Variants in NSD1 observed in about 807,000 individuals in gnomAD.
NSD1 encodes the protein histone-lysine N-methyltransferase, H3 lysine-36 specific.
A neutral mutation model predicts 242.7 loss-of-function variants in NSD1; 26 were observed. The observed-to-expected ratio is 0.11, with a 90% confidence interval of 0.08 to 0.15. The LOEUF (loss-of-function observed/expected upper bound fraction) is 0.15, where lower values mean the gene tolerates loss of function less well. NSD1 is among the 10% of genes least tolerant of loss of function. The pLI is 1.00. For missense variants in NSD1, 2,495 were observed against 3,272.8 expected (o/e 0.76, Z 5.80); for synonymous variants, 1,106 against 1,178.1 (o/e 0.94, Z 1.25).
In NSD1 at chr5:177,297,506, G is replaced by A. The variant is rs538058845; in HGVS notation, c.*2047G>A. ...TAATCTTTTAGGTCATATGAGTAGG[G>A]TTTGCTTGGTGCCAGTCCTGTGCCC... On this transcript the variant is annotated 3_prime_UTR_variant, in exon 23 of 23. Coordinates refer to ENST00000439151, the MANE Select transcript of NSD1 (RefSeq NM_022455.5). 11 of 232,202 alleles carry A rather than the reference G, an allele frequency of 4.7e-5. No homozygotes were observed. Among genetic ancestry groups the A allele is most frequent in the African/African-American group, 2.4e-4 (11 of 45,298 alleles). The allele number at this position is 232,202 out of a possible 1,614,324, so 14.4% of individuals were successfully genotyped here.
chr5:177,188,589 C>G (rs1337475588), intron 2 of NSD1, among the ~76,000 whole-genome samples: 1 of 152,020 alleles, frequency 6.6e-6, no homozygotes, highest in Non-Finnish European at 1.5e-5. Flanking sequence ...ATTGCTTCAG[C>G]CTAGTTTATA....
chr5:177,254,248 A>C (rs1756238741), intron 12 of NSD1, among the ~76,000 whole-genome samples: 1 of 151,952 alleles, frequency 6.6e-6, no homozygotes, highest in Non-Finnish European at 1.5e-5. Flanking sequence ...CACCTGGCCA[A>C]CTTTTTCATA....
chr5:177,199,176 C>T (rs1028217965), intron 3 of NSD1, among the ~76,000 whole-genome samples: 1 of 152,210 alleles, frequency 6.6e-6, no homozygotes, highest in African/African-American at 2.4e-5. Flanking sequence ...GGCTTTGTGT[C>T]AGAAATATTG....
intron 18 of NSD1, 67 bp from the exon 19 acceptor site, chr5:177,282,398 A>G: frequency 1.0e-6 from 1 of 994,794 alleles, no homozygotes; most frequent in South Asian, 1.3e-5. Context: ...ATTTTTTAAA[A>G]AAATGTATAC....
intron 4 of NSD1, 69 bp from the exon 5 acceptor site, chr5:177,209,567 A>G (rs1763169842): frequency 9.8e-7 from 1 of 1,016,588 alleles, no homozygotes; most frequent in East Asian, 2.5e-5. Context: ...AAAGCTTCTG[A>G]TTTCATCTCC....
At chr5:177,251,886 G>T (rs1755996182) in intron 12 of NSD1, 33 bp downstream of exon 12, 1 of 1,613,678 alleles carries the variant, frequency 6.2e-7, no homozygotes, top group South Asian at 1.1e-5. Context: ...TTCCTCCAAA[G>T]AAAGTTTGAA....
chr5:177,246,671 G>A lies in NSD1; in HGVS notation c.4379-7G>A. On this transcript the variant is annotated splice_polypyrimidine_tract_variant and splice_region_variant and intron_variant, in intron 9 of 22. Coordinates refer to ENST00000439151, the MANE Select transcript of NSD1 (RefSeq NM_022455.5). ...GCCAGCAGTTAACACCTATTTTCCT[G>A]TCATAGGCACTACCAAGATATTTGA... 6.2e-7 allele frequency: 1 copy of A among 1,603,138 alleles called. No homozygotes were observed. Among genetic ancestry groups the A allele is most frequent in the Non-Finnish European group, 8.5e-7 (1 of 1,170,130 alleles).
rs1322045716 is a variant in NSD1 at position 177,211,235 on chromosome 5, A to G, written c.2836A>G (p.Thr946Ala). Residue 946 changes from threonine (T) to alanine (A), a missense_variant, in exon 5 of 23, where the codon ACT becomes GCT. Around this residue, in one of 19 missense-constraint regions of NSD1, gnomAD observed 121 missense variants for 167.2 expected, o/e 0.72. Transcript: ENST00000439151. ...YRSPGRGDCS[T>A]NSPVGVSKVL... ...GAGTCCTGGTCGTGGGGACTGTTCT[A>G]CTAATAGTCCTGTAGGAGTCTCTAA... 1.2e-6 allele frequency: 2 copies of G among 1,613,860 alleles called. No homozygotes were observed. The highest frequency in any genetic ancestry group is 2.7e-5 in the African/African-American group (2 of 74,902).
intron 5 of NSD1, among the ~76,000 whole-genome samples, chr5:177,229,348 TG>T (rs1307823860): frequency 1.3e-5 from 2 of 152,212 alleles, no homozygotes; most frequent in African/African-American, 4.8e-5. Context: ...ACGTACTGGT[TG>T]TGTGGTAGGA....
intron 14 of NSD1, among the ~76,000 whole-genome samples, chr5:177,263,153 G>A (rs1470568858): frequency 6.6e-6 from 1 of 152,222 alleles, no homozygotes; most frequent in African/African-American, 2.4e-5. Flanking sequence ...AGGATCTCCT[G>A]AGGTTGTGTC....
At chr5:177,292,729 T>G (rs1759942479) in intron 22 of NSD1, among the ~76,000 whole-genome samples, 1 of 152,206 alleles carries the variant, frequency 6.6e-6, no homozygotes, top group Non-Finnish European at 1.5e-5. Flanking sequence ...AGTTAATACA[T>G]GAGAAAGCTG....
chr5:177,264,902 G>A lies in NSD1; in HGVS notation c.5147-2660G>A, dbSNP rs912443068. On this transcript the variant is annotated intron_variant, in intron 14 of 22. Transcript: ENST00000439151. The stretch of plus-strand genomic sequence containing the variant: ...GATATTGTAGACATCAAAGGAATGG[G>A]TACTCTTCAAAAAGGAATGCCCCAC... The A allele has an allele frequency of 2.7e-4, 208 of 777,910 alleles. 1 individual carries two copies. The East Asian group carries it at 4.9e-3, about 18-fold the overall frequency. 48.2% of individuals were successfully genotyped at this position (777,910 alleles called of 1,614,324 possible). A position where few individuals can be genotyped will look rare whatever the true frequency, so the allele number is the denominator to read the frequency against.
intron 5 of NSD1, among the ~76,000 whole-genome samples, chr5:177,217,939 A>T (rs1190127969): frequency 6.6e-6 from 1 of 151,786 alleles, no homozygotes; most frequent in Non-Finnish European, 1.5e-5. Flanking sequence ...AAGTGTAGAC[A>T]GGGTCACATT....
chr5:177,179,280 A>G (rs1033006841), intron 2 of NSD1, among the ~76,000 whole-genome samples: 5 of 152,066 alleles, frequency 3.3e-5, no homozygotes, highest in Non-Finnish European at 7.4e-5. Context: ...CAATGGCAGG[A>G]TCTCAGCTCA....
intron 3 of NSD1, among the ~76,000 whole-genome samples, chr5:177,201,068 G>C (rs1450701682): frequency 6.6e-6 from 1 of 151,816 alleles, no homozygotes; most frequent in Non-Finnish European, 1.5e-5. Flanking sequence ...TGTATTTTTA[G>C]TAGAGACTGG....
chr5:177,194,290 C>T (rs1057163918), intron 3 of NSD1, among the ~76,000 whole-genome samples: 21 of 152,034 alleles, frequency 1.4e-4, no homozygotes, highest in African/African-American at 4.8e-4. Context: ...GACAGGATCT[C>T]ATTCTGTTGC....
intron 2 of NSD1, among the ~76,000 whole-genome samples, chr5:177,155,397 G>A (rs2149782023): frequency 6.6e-6 from 1 of 152,074 alleles, no homozygotes; most frequent in African/African-American, 2.4e-5. Flanking sequence ...CAAAGTGCTG[G>A]GATAACAGGA....
intron 2 of NSD1, among the ~76,000 whole-genome samples, chr5:177,163,637 T>G (rs1188501550): frequency 6.6e-6 from 1 of 152,222 alleles, no homozygotes. Flanking sequence ...GGTAGGTACC[T>G]GCTGCTATCC....
intron 18 of NSD1, 38 bp from the exon 19 acceptor site, chr5:177,282,426 CT>C (rs756064571): frequency 2.2e-6 from 3 of 1,336,760 alleles, no homozygotes; most frequent in East Asian, 2.3e-5. Context: ...TACCAGTGTC[CT>C]TTTTTGCCAT....
Sources: gnomAD v4.1 joint callset for allele counts (sites outside exome capture counted in the v4.1 genomes callset) on GRCh38, gnomAD v4.1.1 for gene constraint, gnomAD v4.1.1 regional missense constraint, MANE v1.5 for transcripts, NCBI Gene and HGNC (gene_info 2026-07-23, HGNC 2026-07-21) for gene names.